The following SND1 variants were observed in gnomAD, a reference collection of about 807,000 sequenced individuals.
The protein encoded by SND1 is staphylococcal nuclease and tudor domain containing 1.
Under a neutral mutation model 121.7 loss-of-function variants are expected in SND1, and 38 were observed. The observed-to-expected ratio is 0.31, with a 90% CI of 0.24 to 0.41. The LOEUF (loss-of-function observed/expected upper bound fraction) is 0.41. Ranked by LOEUF, SND1 falls within the 10% of genes least tolerant of loss-of-function variation. SND1 has a pLI of 1.00. For synonymous variants in SND1, 401 were observed against 447.4 expected (o/e 0.90, Z 1.31); for missense variants, 868 against 1,184.6 (o/e 0.73, Z 3.92).
chr7:127,983,509 T>C (rs566198943), intron 15 of SND1, among the ~76,000 whole-genome samples: 1 of 152,246 alleles, frequency 6.6e-6, no homozygotes, highest in Admixed American at 6.5e-5. Context: ...CTCTCCCCAC[T>C]GTCCACCCCC....
intron 15 of SND1, among the ~76,000 whole-genome samples, chr7:127,968,268 C>T (rs1563073718): frequency 6.6e-6 from 1 of 152,208 alleles, no homozygotes; most frequent in Admixed American, 6.5e-5. Context: ...ATTGTGACCT[C>T]CTGTCAATCA....
intron 16 of SND1, chr7:127,997,471 G>A: frequency 2.9e-6 from 1 of 340,514 alleles, no homozygotes; most frequent in Admixed American, 4.0e-5. Context: ...TCTTCCCACA[G>A]CTCCTGTGTC....
At chr7:127,925,525 T>G (rs1466477665) in intron 14 of SND1, among the ~76,000 whole-genome samples, 3 of 152,160 alleles carry the variant, frequency 2.0e-5, no homozygotes, top group Non-Finnish European at 4.4e-5. Context: ...AAATGAGCAT[T>G]CTGTGTAACA....
At chr7:127,735,861 A>G (rs975323325) in intron 10 of SND1, among the ~76,000 whole-genome samples, 1 of 152,114 alleles carries the variant, frequency 6.6e-6, no homozygotes, top group Non-Finnish European at 1.5e-5. Flanking sequence ...TCCTGACCTC[A>G]GGTGATCCCC....
At chr7:127,812,311 G>A (rs1317164968) in intron 11 of SND1, among the ~76,000 whole-genome samples, 3 of 152,206 alleles carry the variant, frequency 2.0e-5, no homozygotes, top group Non-Finnish European at 2.9e-5. Context: ...TAATAGCACT[G>A]TATATCTGCC....
intron 12 of SND1, among the ~76,000 whole-genome samples, chr7:127,867,840 G>T (rs1799506999): frequency 6.6e-6 from 1 of 151,100 alleles, no homozygotes; most frequent in Non-Finnish European, 1.5e-5. Context: ...CCATGACCTG[G>T]CCCCTCCCTA....
rs532441274 is a variant in SND1 at position 127,893,092 on chromosome 7, C to T, written c.1454+5080C>T. 1.8e-4 allele frequency among the ~76,000 whole-genome samples: 28 copies of T among 152,180 alleles called. No homozygotes were observed. The South Asian group carries it at 2.9e-3, about 16-fold the overall frequency. ...AGGGAATATTCCGTATATCCTTCTG[C>T]GGTATTTCCAAGATAGTGAGTCATT... On this transcript the variant is annotated intron_variant, in intron 13 of 23. Coordinates refer to ENST00000354725, the MANE Select transcript of SND1 (RefSeq NM_014390.4).
intron 14 of SND1, among the ~76,000 whole-genome samples, chr7:127,919,476 A>G (rs890172262): frequency 1.3e-5 from 2 of 152,224 alleles, no homozygotes; most frequent in Non-Finnish European, 2.9e-5. Context: ...CCTCTTGCCT[A>G]TAGAGACTTT....
intron 15 of SND1, among the ~76,000 whole-genome samples, chr7:127,947,411 T>C (rs1348599364): frequency 4.6e-5 from 7 of 152,230 alleles, no homozygotes; most frequent in African/African-American, 1.4e-4. Context: ...GAGTCAGAAG[T>C]ATGGCAAAAT....
chr7:127,737,884 G>A (rs1312651999), intron 10 of SND1, among the ~76,000 whole-genome samples: 1 of 152,144 alleles, frequency 6.6e-6, no homozygotes, highest in Non-Finnish European at 1.5e-5. Context: ...ACACTTTAAG[G>A]CAAGAGGGCA....
chr7:127,755,365 T>C (rs904316680), intron 10 of SND1, among the ~76,000 whole-genome samples: 2 of 152,226 alleles, frequency 1.3e-5, no homozygotes, highest in African/African-American at 4.8e-5. Flanking sequence ...GGGTTCATTT[T>C]TCTTCCTTCT....
chr7:127,954,379 G>A (rs1421573264), intron 15 of SND1, among the ~76,000 whole-genome samples: 1 of 152,120 alleles, frequency 6.6e-6, no homozygotes, highest in Admixed American at 6.5e-5. Flanking sequence ...ACCTGCTTGG[G>A]TAAAACAGTC....
intron 11 of SND1, among the ~76,000 whole-genome samples, chr7:127,825,651 C>G (rs1285521249): frequency 6.6e-6 from 1 of 151,916 alleles, no homozygotes; most frequent in African/African-American, 2.4e-5. Flanking sequence ...AGGTGATCCG[C>G]CCACCCCGGC....
rs3837140 is a variant in SND1, at chr7:128,043,585, T to TTA, written c.1780-30904_1780-30903dup. On this transcript the variant is annotated intron_variant, in intron 16 of 23. Coordinates refer to ENST00000354725, the MANE Select transcript of SND1 (RefSeq NM_014390.4). ...AGACTCCATCTCAAAAAATAAATTT[T>TTA]TATATATATATATAAATTTATATAT... Among the ~76,000 whole-genome samples the TTA allele has an allele frequency of 1.3e-4, 19 of 149,784 alleles. No homozygotes were observed. The East Asian group carries it at 1.4e-3, about 11-fold the overall frequency.
intron 16 of SND1, among the ~76,000 whole-genome samples, chr7:128,058,628 AT>A (rs1455338486): frequency 6.6e-6 from 1 of 152,240 alleles, no homozygotes; most frequent in East Asian, 1.9e-4. Context: ...AAATTCATGC[AT>A]CTGACCACAT....
chr7:128,032,544 G>A lies in SND1; in HGVS notation c.1779+41488G>A, dbSNP rs1792658857. The stretch of plus-strand genomic sequence containing the variant: ...GAGCCCGCGCCGGCCCCCGCCCTCC[G>A]GCCCGCACCCGGGGCCCCCTGGCTC... On this transcript the variant is annotated intron_variant, in intron 16 of 23. Transcript: ENST00000354725. 2.6e-5 allele frequency among the ~76,000 whole-genome samples: 4 copies of A among 151,772 alleles called. No individual in the cohort carries two copies. The South Asian group carries it at 8.3e-4, about 31-fold the overall frequency.
intron 16 of SND1, among the ~76,000 whole-genome samples, chr7:128,032,753 A>G (rs1177311605): frequency 6.6e-6 from 1 of 152,070 alleles, no homozygotes; most frequent in African/African-American, 2.4e-5. Flanking sequence ...GGCTCCCAGG[A>G]CCGAGAGCCC....
intron 16 of SND1, among the ~76,000 whole-genome samples, chr7:128,036,216 T>TGC (rs1484688275): frequency 6.6e-6 from 1 of 152,038 alleles, no homozygotes; most frequent in East Asian, 1.9e-4. Flanking sequence ...TGTGTGTGTG[T>TGC]GTGTGTCTTA....
chr7:127,967,540 T>A (rs1801882632), intron 15 of SND1, among the ~76,000 whole-genome samples: 2 of 152,212 alleles, frequency 1.3e-5, no homozygotes, highest in Admixed American at 6.5e-5. Flanking sequence ...TTCACAAACT[T>A]CAGCCAGAAA....
Sources: allele counts gnomAD v4.1 joint callset (sites outside exome capture counted in the v4.1 genomes callset), GRCh38; gene constraint gnomAD v4.1.1; transcripts MANE v1.5; gene names NCBI Gene and HGNC (gene_info 2026-07-23, HGNC 2026-07-21).